PLCXD3: variants seen among roughly 807,000 people sequenced by gnomAD.
PLCXD3 encodes PI-PLC X domain-containing protein 3.
Under a neutral mutation model 25.5 loss-of-function variants are expected in PLCXD3, and 19 were observed. That is an observed-to-expected ratio of 0.75 (90% CI 0.52 to 1.09). PLCXD3 has a LOEUF of 1.09. Among genes scored for constraint, PLCXD3 ranks in the 50% least tolerant of loss-of-function variants. The pLI is 0.00. For missense variants in PLCXD3, 411 were observed against 388.1 expected, an observed-to-expected ratio of 1.06 and a Z score of -0.50; for synonymous variants, 174 against 137.6, an observed-to-expected ratio of 1.26 and a Z score of -1.85.
intron 1 of PLCXD3, among the ~76,000 whole-genome samples, chr5:41,446,173 T>G (rs1449387644): frequency 1.0e-3 from 15 of 14,418 alleles, no homozygotes; most frequent in Non-Finnish European, 3.5e-3. Flanking sequence ...CCAGACTCCT[T>G]CTCAAAAAAA....
chr5:41,493,652 C>G (rs987176573), intron 1 of PLCXD3, among the ~76,000 whole-genome samples: 1 of 152,206 alleles, frequency 6.6e-6, no homozygotes, highest in African/African-American at 2.4e-5. Context: ...GCACCCCTCC[C>G]CCAGCCTAGC....
chr5:41,336,706 G>T (rs1743991084), intron 2 of PLCXD3, among the ~76,000 whole-genome samples: 1 of 152,108 alleles, frequency 6.6e-6, no homozygotes, highest in South Asian at 2.1e-4. Flanking sequence ...ATGCTCTTTG[G>T]AATAACTTGC....
chr5:41,372,280 T>G (rs927124749), intron 2 of PLCXD3, among the ~76,000 whole-genome samples: 5 of 123,978 alleles, frequency 4.0e-5, no homozygotes, highest in African/African-American at 1.4e-4. Flanking sequence ...GTATTCATTC[T>G]CTCTCTCTCT....
At chr5:41,316,628 G>A (rs779868539) in intron 2 of PLCXD3, among the ~76,000 whole-genome samples, 1 of 152,144 alleles carries the variant, frequency 6.6e-6, no homozygotes, top group Non-Finnish European at 1.5e-5. Flanking sequence ...GGAGCCCACT[G>A]CCCTGAAGGG....
At chr5:41,350,596 TA>T (rs1350718309) in intron 2 of PLCXD3, among the ~76,000 whole-genome samples, 9 of 152,192 alleles carry the variant, frequency 5.9e-5, no homozygotes, top group East Asian at 5.8e-4. Flanking sequence ...ACATCATGCT[TA>T]AAAAAATACA....
At position 41,409,072 on chromosome 5, in the gene PLCXD3, TGCCTTA is replaced by T. The variant is rs1199941396; in HGVS notation, c.104-26544_104-26539del. Among the ~76,000 whole-genome samples the T allele has an allele frequency of 3.3e-5, 5 of 152,356 alleles. 1 individual carries two copies. The highest frequency in any genetic ancestry group is 3.4e-3 in the Middle Eastern group (1 of 294). The stretch of plus-strand genomic sequence containing the variant: ...AACCCAGTTGCTTGTGTCATTATTT[TGCCTTA>T]GCCTCCAAGAGCCTGAACAGCCCAA... On this transcript the variant is annotated intron_variant, in intron 1 of 2. Coordinates refer to ENST00000377801, the MANE Select transcript of PLCXD3 (RefSeq NM_001005473.3).
chr5:41,434,965 C>T (rs773425449), intron 1 of PLCXD3, among the ~76,000 whole-genome samples: 10 of 152,134 alleles, frequency 6.6e-5, no homozygotes, highest in South Asian at 6.2e-4. Flanking sequence ...TGCTAGCACA[C>T]GCTCATAAAA....
intron 1 of PLCXD3, among the ~76,000 whole-genome samples, chr5:41,397,766 C>T (rs1459347357): frequency 3.3e-5 from 5 of 152,302 alleles, no homozygotes; most frequent in Non-Finnish European, 7.3e-5. Flanking sequence ...ACTACCAATG[C>T]CTTGGGAGCC....
At chr5:41,444,026 T>C (rs1325745858) in intron 1 of PLCXD3, among the ~76,000 whole-genome samples, 2 of 152,188 alleles carry the variant, frequency 1.3e-5, no homozygotes, top group Non-Finnish European at 2.9e-5. Flanking sequence ...AATCAATCTG[T>C]GGATATACTT....
At chr5:41,391,492 G>A (rs1228896610) in intron 1 of PLCXD3, among the ~76,000 whole-genome samples, 2 of 152,144 alleles carry the variant, frequency 1.3e-5, no homozygotes, top group Non-Finnish European at 1.5e-5. Context: ...AGAAAGAGAT[G>A]TAGTTCTGCC....
chr5:41,478,466 TATTA>T (rs1266586564), intron 1 of PLCXD3, among the ~76,000 whole-genome samples: 1 of 152,162 alleles, frequency 6.6e-6, no homozygotes, highest in African/African-American at 2.4e-5. Flanking sequence ...ACTCCTATAA[TATTA>T]ATTATCTAAA....
intron 2 of PLCXD3, among the ~76,000 whole-genome samples, chr5:41,353,315 A>G (rs528042408): frequency 4.7e-5 from 7 of 149,952 alleles, no homozygotes; most frequent in Non-Finnish European, 1.0e-4. Flanking sequence ...GTTTGCCAGG[A>G]TGGTCTCAAT....
chr5:41,492,158 T>G (rs1335958497), intron 1 of PLCXD3, among the ~76,000 whole-genome samples: 60 of 152,310 alleles, frequency 3.9e-4, no homozygotes, highest in African/African-American at 1.4e-3. Context: ...AGCATTTGCT[T>G]GTCTGTAAAG....
Position 41,308,517 on chromosome 5 carries a change from T to C in PLCXD3, c.*5100A>G, listed in dbSNP as rs1328767002. 1 of 152,102 alleles carries C rather than the reference T, an allele frequency of 6.6e-6. No individual in the cohort carries two copies. Among genetic ancestry groups the C allele is most frequent in the African/African-American group, 2.4e-5 (1 of 41,440 alleles). 9.4% of individuals were successfully genotyped at this position (152,102 alleles called of 1,614,324 possible). A position where few individuals can be genotyped will look rare whatever the true frequency, so the allele number is the denominator to read the frequency against. The stretch of plus-strand genomic sequence containing the variant: ...AATTTTTGCTTCAAGCATGACCACA[T>C]GTGTAGATCCTTGTCAGTCATGAGT... On this transcript the variant is annotated 3_prime_UTR_variant, in exon 3 of 3. Coordinates refer to ENST00000377801, the MANE Select transcript of PLCXD3 (RefSeq NM_001005473.3).
At position 41,455,220 on chromosome 5, in the gene PLCXD3, G is replaced by A. The variant is rs140351100; in HGVS notation, c.103+55204C>T. Among the ~76,000 whole-genome samples the A allele has an allele frequency of 2.0e-3, 297 of 151,986 alleles. 1 individual carries two copies. Among genetic ancestry groups the A allele is most frequent in the African/African-American group, 6.7e-3 (277 of 41,502 alleles). On this transcript the variant is annotated intron_variant, in intron 1 of 2. Transcript: ENST00000377801. ...ACTTGATTTTAGACTTCAGGCTTCCGGAAATATGAAAGCATACATTTCTGT... is the reference window on the plus strand; with the variant it reads ...ACTTGATTTTAGACTTCAGGCTTCCAGAAATATGAAAGCATACATTTCTGT...
chr5:41,321,858 T>C (rs1393280174), intron 2 of PLCXD3, among the ~76,000 whole-genome samples: 3 of 152,166 alleles, frequency 2.0e-5, no homozygotes, highest in Non-Finnish European at 4.4e-5. Context: ...CTGGGAAAAT[T>C]GGATATCCAG....
intron 2 of PLCXD3, among the ~76,000 whole-genome samples, chr5:41,380,675 T>C (rs1745431919): frequency 6.6e-6 from 1 of 152,172 alleles, no homozygotes; most frequent in African/African-American, 2.4e-5. Flanking sequence ...TCTCTTCATC[T>C]TTTGTCTTTT....
At chr5:41,487,511 A>G (rs1748545322) in intron 1 of PLCXD3, among the ~76,000 whole-genome samples, 1 of 152,218 alleles carries the variant, frequency 6.6e-6, no homozygotes, top group Admixed American at 6.5e-5. Flanking sequence ...CCTGAATTTG[A>G]AGAGCTTATA....
In PLCXD3 at chr5:41,315,217, G is replaced by A. The variant is rs191739718; in HGVS notation, c.813-1447C>T. On this transcript the variant is annotated intron_variant, in intron 2 of 2. Transcript: ENST00000377801. ...TCAGGGCAGGAAGGGAAGTTTCCATGACAAAAGGATAAATGAACAGGCCAG... is the reference window on the plus strand; with the variant it reads ...TCAGGGCAGGAAGGGAAGTTTCCATAACAAAAGGATAAATGAACAGGCCAG... 6.7e-4 allele frequency among the ~76,000 whole-genome samples: 102 copies of A among 152,176 alleles called. 1 individual carries two copies. The highest frequency in any genetic ancestry group is 1.9e-4 in the Non-Finnish European group (13 of 68,004).
Sources: allele counts gnomAD v4.1 joint callset (sites outside exome capture counted in the v4.1 genomes callset), GRCh38; gene constraint gnomAD v4.1.1; transcripts MANE v1.5; gene names NCBI Gene and HGNC (gene_info 2026-07-23, HGNC 2026-07-21).